Variants in ZNF827 observed in about 807,000 individuals in gnomAD.
ZNF827 encodes zinc finger protein 827.
ZNF827 carries 13 observed loss-of-function variants against 102.4 expected under a neutral mutation model. That is an observed-to-expected ratio of 0.13 (90% CI 0.08 to 0.20). ZNF827 has a LOEUF of 0.20. ZNF827 is among the 10% of genes least tolerant of loss of function. ZNF827 has a pLI of 1.00. For synonymous variants in ZNF827, 523 were observed against 536.2 expected (o/e 0.98, Z 0.34); for missense variants, 1,103 against 1,344.4 (o/e 0.82, Z 2.81).
chr4:145,772,921 G>A (rs527392504), intron 11 of ZNF827, among the ~76,000 whole-genome samples: 2 of 152,296 alleles, frequency 1.3e-5, no homozygotes, highest in East Asian at 3.9e-4. Flanking sequence ...GGTTAGTTGT[G>A]AAGTTTCCAC....
chr4:145,893,916 G>A (rs534925709), intron 2 of ZNF827, among the ~76,000 whole-genome samples: 1 of 151,672 alleles, frequency 6.6e-6, no homozygotes, highest in African/African-American at 2.4e-5. Context: ...AAGGGGTTAT[G>A]GAAAAATAAA....
At position 145,903,005 on chromosome 4, in the gene ZNF827, G is replaced by A; in HGVS notation, c.254C>T (p.Ala85Val). The A allele has an allele frequency of 6.2e-7, 1 of 1,614,150 alleles. No individual in the cohort carries two copies. Among genetic ancestry groups the A allele is most frequent in the Non-Finnish European group, 8.5e-7 (1 of 1,180,030 alleles). Residue 85 changes from alanine (A) to valine (V), a missense_variant, in exon 2 of 15, where the codon GCA (alanine) becomes GTA (valine). Transcript: ENST00000508784. ...GTCTCGCAGGACCTCACTGTCCAGT[G>A]CCACCAGCTCCAACGTGTGGCTGCT... The part of the protein sequence containing the change: ...TPSSHTLELV[A>V]LDSEVLRDSL...
chr4:145,852,842 A>G (rs1746676136), intron 5 of ZNF827, among the ~76,000 whole-genome samples: 1 of 152,118 alleles, frequency 6.6e-6, no homozygotes, highest in African/African-American at 2.4e-5. Flanking sequence ...CATATAGCAC[A>G]CTGCAGTCTC....
chr4:145,758,453 C>T lies in ZNF827; in HGVS notation c.*3163G>A, dbSNP rs1374828580. 2 of 152,208 alleles carry T rather than the reference C, an allele frequency of 1.3e-5. No homozygotes were observed. The highest frequency in any genetic ancestry group is 2.9e-5 in the Non-Finnish European group (2 of 68,052). The allele number at this position is 152,208 out of a possible 1,614,324, so 9.4% of individuals were successfully genotyped here. A position where few individuals can be genotyped will look rare whatever the true frequency, so the allele number is the denominator to read the frequency against. ...CCTGCTGGTGCTTAAGTGTGATTCG[C>T]CTTTTCTACCAGCCTCTGTGGGACT... On this transcript the variant is annotated 3_prime_UTR_variant, in exon 15 of 15. Coordinates refer to ENST00000508784, the MANE Select transcript of ZNF827 (RefSeq NM_001306215.2).
rs1202763341 is a variant in ZNF827 at position 145,763,170 on chromosome 4, T to C, written c.3231-48A>G. 1 of 1,527,582 alleles carries C rather than the reference T, an allele frequency of 6.5e-7. No homozygotes were observed. Among genetic ancestry groups the C allele is most frequent in the Non-Finnish European group, 8.8e-7 (1 of 1,139,484 alleles). 94.6% of individuals were successfully genotyped at this position (1,527,582 alleles called of 1,614,324 possible). ...GTATAATCTTATTTGATCTGCATTA[T>C]GAACAGGATATAGAGTACAAGCAGT... On this transcript the variant is annotated intron_variant, in intron 13 of 14. Transcript: ENST00000508784. The surrounding 1 kb of genome is among the most constrained non-coding windows in gnomAD (Gnocchi z 4.6).
At chr4:145,875,639 G>A (rs1749088677) in intron 4 of ZNF827, among the ~76,000 whole-genome samples, 1 of 152,178 alleles carries the variant, frequency 6.6e-6, no homozygotes, top group Non-Finnish European at 1.5e-5. Context: ...GTTCCCTCTG[G>A]TGAAGGAAAA....
chr4:145,844,473 A>G (rs1745720732), intron 7 of ZNF827, among the ~76,000 whole-genome samples: 1 of 151,496 alleles, frequency 6.6e-6, no homozygotes, highest in South Asian at 2.1e-4. Flanking sequence ...TGAGCTCAGG[A>G]GTTTGAGACC....
Position 145,761,509 on chromosome 4 carries a change from A to G in ZNF827, c.*107T>C, listed in dbSNP as rs1356724405. On this transcript the variant is annotated 3_prime_UTR_variant, in exon 15 of 15. Coordinates refer to ENST00000508784, the MANE Select transcript of ZNF827 (RefSeq NM_001306215.2). This position sits in a 1 kb window ranked among gnomAD's most constrained non-coding sequence, Gnocchi z 6.8. ...CTGGTTGGCCTTCACCGTCTGGCAGATCCGGCACTTGTACTCCATCTTGTA... is the reference window on the plus strand; with the variant it reads ...CTGGTTGGCCTTCACCGTCTGGCAGGTCCGGCACTTGTACTCCATCTTGTA... 3 of 1,289,754 alleles carry G rather than the reference A, an allele frequency of 2.3e-6. No individual in the cohort carries two copies. The Admixed American group carries it at 6.9e-5, about 30-fold the overall frequency. The allele number at this position is 1,289,754 out of a possible 1,614,324, so 79.9% of individuals were successfully genotyped here.
At chr4:145,768,291 A>G (rs549689328) in intron 11 of ZNF827, among the ~76,000 whole-genome samples, 1 of 152,210 alleles carries the variant, frequency 6.6e-6, no homozygotes, top group Admixed American at 6.5e-5. Context: ...CAGCCTCCCA[A>G]GTAGCTGGGA....
At chr4:145,777,888 T>C (rs1737350969) in intron 9 of ZNF827, among the ~76,000 whole-genome samples, 1 of 152,198 alleles carries the variant, frequency 6.6e-6, no homozygotes, top group African/African-American at 2.4e-5. Context: ...ATGTCTGTTA[T>C]TTGAATTTTT....
intron 2 of ZNF827, among the ~76,000 whole-genome samples, chr4:145,900,701 C>T (rs987058077): frequency 1.1e-4 from 17 of 152,272 alleles, no homozygotes; most frequent in African/African-American, 3.6e-4. Context: ...TGAGCCACTG[C>T]GCCCGGCCTA....
intron 1 of ZNF827, among the ~76,000 whole-genome samples, chr4:145,925,359 T>C (rs1307531151): frequency 2.0e-5 from 3 of 152,232 alleles, no homozygotes; most frequent in Admixed American, 1.3e-4. Flanking sequence ...GGATGCTTTA[T>C]ATGTCATTCC....
rs763075189 is a variant in ZNF827, at chr4:145,765,158, T to C, written c.3060A>G (p.Glu1020=). 5.0e-6 allele frequency: 8 copies of C among 1,608,082 alleles called. No individual in the cohort carries two copies. The highest frequency in any genetic ancestry group is 2.2e-5 in the East Asian group (1 of 44,862). ...NSEEKPEKGF[E]CVFCNFVCKT... The stretch of plus-strand genomic sequence containing the variant: ...TGCAGACAAAGTTGCAAAAAACACA[T>C]TCGAACCCTGCAAGGACCGAAGCTG... Residue 1020 remains glutamate (E), a synonymous_variant, in exon 13 of 15, where the codon GAA becomes GAG. Coordinates refer to ENST00000508784, the MANE Select transcript of ZNF827 (RefSeq NM_001306215.2). The surrounding 1 kb of genome is among the most constrained non-coding windows in gnomAD (Gnocchi z 4.7).
At chr4:145,802,040 G>A (rs988343100) in intron 8 of ZNF827, among the ~76,000 whole-genome samples, 1 of 152,134 alleles carries the variant, frequency 6.6e-6, no homozygotes. Context: ...CTAATACACC[G>A]AATAAGAATG....
intron 1 of ZNF827, among the ~76,000 whole-genome samples, chr4:145,930,693 A>C (rs909530748): frequency 1.3e-5 from 2 of 152,222 alleles, no homozygotes; most frequent in African/African-American, 4.8e-5. Flanking sequence ...CTTTTTAGGC[A>C]CACTGAATTT....
intron 8 of ZNF827, among the ~76,000 whole-genome samples, chr4:145,807,646 AT>A (rs1741589482): frequency 6.6e-6 from 1 of 151,816 alleles, no homozygotes; most frequent in African/African-American, 2.4e-5. Context: ...TAATTTTTGT[AT>A]TTTTAGTAGA....
At chr4:145,841,524 G>A (rs1243297023) in intron 7 of ZNF827, among the ~76,000 whole-genome samples, 4 of 152,096 alleles carry the variant, frequency 2.6e-5, no homozygotes, top group Non-Finnish European at 4.4e-5. Context: ...GGGTCTGGCC[G>A]GGACTCTCTC....
At chr4:145,881,644 C>A (rs1579462312) in intron 4 of ZNF827, among the ~76,000 whole-genome samples, 1 of 152,198 alleles carries the variant, frequency 6.6e-6, no homozygotes. Flanking sequence ...ATGCTCTGCA[C>A]TGAATCTTGA....
chr4:145,794,926 C>T lies in ZNF827; in HGVS notation c.2384-15415G>A, dbSNP rs1278583579. On this transcript the variant is annotated intron_variant, in intron 8 of 14. Transcript: ENST00000508784. ...AAGACAGGGCTTTCAAGCAGACTGG[C>T]ACCTTTATTTCTTCTTCCAAAGTGA... Among the ~76,000 whole-genome samples the T allele has an allele frequency of 2.6e-5, 4 of 152,142 alleles. No individual in the cohort carries two copies. The East Asian group carries it at 7.7e-4, about 29-fold the overall frequency.
Sources: allele counts gnomAD v4.1 joint callset (sites outside exome capture counted in the v4.1 genomes callset), GRCh38; gene constraint gnomAD v4.1.1; non-coding constraint Gnocchi (gnomAD v3.1); transcripts MANE v1.5; gene names NCBI Gene and HGNC (gene_info 2026-07-23, HGNC 2026-07-21).